Variants in LSAMP observed in about 807,000 individuals in gnomAD.
The protein encoded by LSAMP is limbic system associated membrane protein.
Under a neutral mutation model 38.6 loss-of-function variants are expected in LSAMP, and 7 were observed. That is an observed-to-expected ratio of 0.18 (90% CI 0.10 to 0.34). The LOEUF (loss-of-function observed/expected upper bound fraction) is 0.34. Among genes scored for constraint, LSAMP ranks in the 10% least tolerant of loss-of-function variants. LSAMP has a pLI of 1.00. For synonymous variants in LSAMP, 154 were observed against 166.8 expected (o/e 0.92, Z 0.59); for missense variants, 313 against 420.0 (o/e 0.75, Z 2.23).
chr3:115,951,332 A>T (rs899094330), intron 3 of LSAMP, among the ~76,000 whole-genome samples: 1 of 152,232 alleles, frequency 6.6e-6, no homozygotes, highest in African/African-American at 2.4e-5. Context: ...CAGAGTAAAC[A>T]GCCAACCCAC....
At chr3:116,153,378 G>T (rs539326487) in intron 1 of LSAMP, among the ~76,000 whole-genome samples, 2 of 152,040 alleles carry the variant, frequency 1.3e-5, no homozygotes, top group African/African-American at 4.8e-5. Flanking sequence ...AGCTTTGCAG[G>T]GTTTCTCCTG....
At chr3:116,394,362 A>T (rs1329811916) in intron 1 of LSAMP, among the ~76,000 whole-genome samples, 6 of 152,252 alleles carry the variant, frequency 3.9e-5, no homozygotes, top group Non-Finnish European at 8.8e-5. Context: ...TAATATTCAT[A>T]TAAGCCATTA....
chr3:116,198,841 C>G (rs2045950345), intron 1 of LSAMP, among the ~76,000 whole-genome samples: 1 of 151,274 alleles, frequency 6.6e-6, no homozygotes, highest in Non-Finnish European at 1.5e-5. Context: ...ACTTTGGGAG[C>G]CTGAGGCAGG....
chr3:116,397,487 A>G (rs2048784142), intron 1 of LSAMP, among the ~76,000 whole-genome samples: 1 of 151,066 alleles, frequency 6.6e-6, no homozygotes, highest in Non-Finnish European at 1.5e-5. Flanking sequence ...ATCTAACATA[A>G]TATTTACTTA....
At chr3:116,016,300 G>A (rs1220745412) in intron 3 of LSAMP, among the ~76,000 whole-genome samples, 1 of 152,116 alleles carries the variant, frequency 6.6e-6, no homozygotes, top group Non-Finnish European at 1.5e-5. Context: ...GGTTATTTAG[G>A]TCACATGTGA....
In LSAMP at chr3:115,810,183, T is replaced by A. The variant is rs1283562863; in HGVS notation, c.*134A>T. Reference sequence around the variant, plus strand: ...TCACTTTCTTATTTCCCCCTTCATGTATAAACACACAAAGTTGTGAAATAA... The same window carrying A: ...TCACTTTCTTATTTCCCCCTTCATGAATAAACACACAAAGTTGTGAAATAA... On this transcript the variant is annotated 3_prime_UTR_variant, in exon 7 of 7. Transcript: ENST00000490035. 1.6e-6 allele frequency: 1 copy of A among 618,898 alleles called. No homozygotes were observed. The highest frequency in any genetic ancestry group is 1.9e-5 in the African/African-American group (1 of 53,826). 38.3% of individuals were successfully genotyped at this position (618,898 alleles called of 1,614,324 possible). A position where few individuals can be genotyped will look rare whatever the true frequency, so the allele number is the denominator to read the frequency against.
chr3:116,378,246 A>G (rs2107798669), intron 1 of LSAMP, among the ~76,000 whole-genome samples: 1 of 152,066 alleles, frequency 6.6e-6, no homozygotes, highest in Non-Finnish European at 1.5e-5. Flanking sequence ...AAGCTAATGG[A>G]TTGTTCCTGG....
chr3:115,862,491 A>G (rs1287917742), intron 3 of LSAMP, among the ~76,000 whole-genome samples: 1 of 152,182 alleles, frequency 6.6e-6, no homozygotes, highest in Non-Finnish European at 1.5e-5. Context: ...AAAATCCCAG[A>G]TCTACTTCTT....
intron 1 of LSAMP, among the ~76,000 whole-genome samples, chr3:116,432,784 T>C (rs565839456): frequency 6.6e-6 from 1 of 152,134 alleles, no homozygotes; most frequent in Non-Finnish European, 1.5e-5. Flanking sequence ...TCATGCCCAA[T>C]CTAGAGGTTT....
rs76666919 is a variant in LSAMP at position 115,836,363 on chromosome 3, A to T, written c.919+5482T>A. Among the ~76,000 whole-genome samples the T allele has an allele frequency of 5.0e-3, 761 of 152,308 alleles. 2 individuals are homozygous for T. The highest frequency in any genetic ancestry group is 8.3e-3 in the Non-Finnish European group (564 of 68,032). On this transcript the variant is annotated intron_variant, in intron 6 of 6. Transcript: ENST00000490035. ...TTATTCTGCTGCTGTTTTACACTTC[A>T]TGCTAGGGTTTGCAGGATCTTGTAA...
intron 1 of LSAMP, among the ~76,000 whole-genome samples, chr3:116,250,152 A>G (rs2046660696): frequency 6.6e-6 from 1 of 152,222 alleles, no homozygotes; most frequent in African/African-American, 2.4e-5. Flanking sequence ...AATGAAGTAA[A>G]TAGCAGAGTG....
intron 5 of LSAMP, among the ~76,000 whole-genome samples, chr3:115,842,214 G>A (rs895320422): frequency 2.0e-5 from 3 of 152,158 alleles, no homozygotes; most frequent in Non-Finnish European, 4.4e-5. Flanking sequence ...TCTGTTATAG[G>A]CAAGAAAGAC....
At chr3:116,039,063 G>A (rs895778575) in intron 2 of LSAMP, among the ~76,000 whole-genome samples, 1 of 152,088 alleles carries the variant, frequency 6.6e-6, no homozygotes, top group Admixed American at 6.6e-5. Flanking sequence ...AATGTATAGA[G>A]GTGTCTTCAG....
At position 116,316,857 on chromosome 3, in the gene LSAMP, G is replaced by T. The variant is rs540362478; in HGVS notation, c.155+128020C>A. Among the ~76,000 whole-genome samples the T allele has an allele frequency of 9.3e-5, 14 of 150,976 alleles. No homozygotes were observed. In the South Asian group the frequency reaches 2.7e-3, roughly 29 times the overall value. On this transcript the variant is annotated intron_variant, in intron 1 of 6. Transcript: ENST00000490035. ...TAAAAATGAGGTGTCAAGCATAAAA[G>T]TTATTGCCAAAATGAAATAAAAGAG...
intron 1 of LSAMP, among the ~76,000 whole-genome samples, chr3:116,366,281 T>C (rs2048352461): frequency 6.6e-6 from 1 of 152,160 alleles, no homozygotes; most frequent in Non-Finnish European, 1.5e-5. Flanking sequence ...TTTGTTTCCC[T>C]ACCAAACTGA....
chr3:116,327,555 G>A (rs764098990), intron 1 of LSAMP, among the ~76,000 whole-genome samples: 8 of 151,912 alleles, frequency 5.3e-5, no homozygotes, highest in South Asian at 2.1e-4. Context: ...ACAATAATCC[G>A]TTTGGTTCTT....
At chr3:116,061,174 A>G (rs1438295297) in intron 2 of LSAMP, among the ~76,000 whole-genome samples, 1 of 152,178 alleles carries the variant, frequency 6.6e-6, no homozygotes, top group Non-Finnish European at 1.5e-5. Flanking sequence ...GCAAATAAGC[A>G]AACAGAAGCT....
At chr3:116,379,948 T>C (rs2107800338) in intron 1 of LSAMP, among the ~76,000 whole-genome samples, 1 of 152,218 alleles carries the variant, frequency 6.6e-6, no homozygotes, top group South Asian at 2.1e-4. Context: ...AAACTATCTA[T>C]AATCATGGGC....
intron 3 of LSAMP, among the ~76,000 whole-genome samples, chr3:115,900,780 A>G (rs566325850): frequency 2.6e-5 from 4 of 152,288 alleles, no homozygotes; most frequent in East Asian, 1.9e-4. Context: ...GAGAAAAACC[A>G]TTATTCGCTT....
Sources: allele counts gnomAD v4.1 joint callset (sites outside exome capture counted in the v4.1 genomes callset), GRCh38; gene constraint gnomAD v4.1.1; transcripts MANE v1.5; gene names NCBI Gene and HGNC (gene_info 2026-07-23, HGNC 2026-07-21).